MYLK4: variants seen among roughly 807,000 people sequenced by gnomAD.
MYLK4 encodes caMLCK like.
MYLK4 carries 46 observed loss-of-function variants against 48.1 expected under a neutral mutation model. The observed-to-expected ratio is 0.96, with a 90% CI of 0.75 to 1.22. MYLK4 has a LOEUF of 1.22. MYLK4 is among the 50% of genes most tolerant of loss of function. The pLI is 0.00. For missense variants in MYLK4, 451 were observed against 486.1 expected (o/e 0.93, Z 0.68); for synonymous variants, 170 against 180.8 (o/e 0.94, Z 0.48).
chr6:2,681,465 T>C (rs914643317), intron 7 of MYLK4, among the ~76,000 whole-genome samples: 6 of 152,210 alleles, frequency 3.9e-5, no homozygotes, highest in African/African-American at 1.4e-4. Flanking sequence ...TGATGGATCA[T>C]GTATAAAGCT....
At chr6:2,762,829 C>T in the MYLK4 span, among the ~76,000 whole-genome samples, 1 of 152,186 alleles carries the variant, frequency 6.6e-6, no homozygotes, top group Non-Finnish European at 1.5e-5. Context: ...CTTAGGTCAG[C>T]ATCTCTTAAG....
At chr6:2,753,776 T>C (rs1301576151), upstream of MYLK4, among the ~76,000 whole-genome samples, 1 of 151,280 alleles carries the variant, frequency 6.6e-6, no homozygotes, top group Non-Finnish European at 1.5e-5. Flanking sequence ...TGAAAAAAAA[T>C]GCTCAAAATC....
At chr6:2,767,221 C>G in the MYLK4 span, among the ~76,000 whole-genome samples, 4 of 152,038 alleles carry the variant, frequency 2.6e-5, no homozygotes, top group Non-Finnish European at 5.9e-5. Flanking sequence ...TGGAAAAACA[C>G]TTGAGAAAAA....
intron 7 of MYLK4, 94 bp downstream of exon 7, chr6:2,682,927 A>G: frequency 7.2e-7 from 1 of 1,383,748 alleles, no homozygotes; most frequent in South Asian, 1.2e-5. Context: ...AAATGACTGT[A>G]CCAATTTCCC....
chr6:2,755,251 C>T (rs1764399320), upstream of MYLK4, among the ~76,000 whole-genome samples: 1 of 152,140 alleles, frequency 6.6e-6, no homozygotes, highest in Non-Finnish European at 1.5e-5. Context: ...TTAATTATAT[C>T]CCTTAAACTT....
At chr6:2,696,730 T>G (rs1028555012) in intron 2 of MYLK4, among the ~76,000 whole-genome samples, 1 of 152,240 alleles carries the variant, frequency 6.6e-6, no homozygotes, top group Non-Finnish European at 1.5e-5. Flanking sequence ...ATTGGACACA[T>G]ATAAAAGTAT....
At chr6:2,762,965 C>CA in the MYLK4 span, among the ~76,000 whole-genome samples, 1 of 151,986 alleles carries the variant, frequency 6.6e-6, no homozygotes, top group African/African-American at 2.4e-5. Flanking sequence ...CCAGCTAATG[C>CA]AAAAAATAAA....
At chr6:2,744,048 AGCTGTGGATGTT>A (rs756572513) in intron 2 of MYLK4, 23 of 399,000 alleles carry the variant, frequency 5.8e-5, no homozygotes, top group Admixed American at 8.8e-5. Context: ...CTTTGGGAGC[AGCTGTGGATGTT>A]GCTTGGCTTA....
At chr6:2,730,386 A>T (rs762067833) in intron 2 of MYLK4, among the ~76,000 whole-genome samples, 1 of 152,240 alleles carries the variant, frequency 6.6e-6, no homozygotes, top group African/African-American at 2.4e-5. Context: ...AACAGGGGCA[A>T]GTGGTTGAAC....
At chr6:2,691,667 G>C (rs955462508) in intron 3 of MYLK4, among the ~76,000 whole-genome samples, 3 of 152,162 alleles carry the variant, frequency 2.0e-5, no homozygotes, top group Non-Finnish European at 4.4e-5. Context: ...GATATGTTCT[G>C]TATTGCTAAA....
the MYLK4 span, among the ~76,000 whole-genome samples, chr6:2,763,024 G>A: frequency 1.8e-4 from 27 of 152,276 alleles, 1 homozygote; most frequent in East Asian, 1.7e-3. Flanking sequence ...GGTCTCCATC[G>A]CCAGCTCTAG....
At chr6:2,762,029 A>G in the MYLK4 span, among the ~76,000 whole-genome samples, 1 of 152,166 alleles carries the variant, frequency 6.6e-6, no homozygotes, top group South Asian at 2.1e-4. Flanking sequence ...CTCCTGCCTC[A>G]GCCTTGCAAG....
chr6:2,679,655 T>C (rs1761219466), intron 8 of MYLK4, among the ~76,000 whole-genome samples: 1 of 152,176 alleles, frequency 6.6e-6, no homozygotes, highest in Non-Finnish European at 1.5e-5. Context: ...GAAGCTGCTG[T>C]GAATAATGAG....
chr6:2,737,522 C>T (rs1045639837), intron 2 of MYLK4, among the ~76,000 whole-genome samples: 2 of 152,024 alleles, frequency 1.3e-5, no homozygotes, highest in Non-Finnish European at 1.5e-5. Context: ...TGGGGAGGAA[C>T]GAACACATTC....
chr6:2,723,589 A>G (rs1438314996), intron 2 of MYLK4, among the ~76,000 whole-genome samples: 1 of 152,142 alleles, frequency 6.6e-6, no homozygotes, highest in Non-Finnish European at 1.5e-5. Flanking sequence ...CTTAGAATCA[A>G]TTTTCCATAT....
intron 2 of MYLK4, among the ~76,000 whole-genome samples, chr6:2,718,203 A>G (rs1204409323): frequency 6.7e-6 from 1 of 149,900 alleles, no homozygotes; most frequent in African/African-American, 2.5e-5. Flanking sequence ...AAAAAAAAAG[A>G]AAAAGAGAAA....
the MYLK4 span, among the ~76,000 whole-genome samples, chr6:2,764,752 C>T: frequency 6.6e-6 from 1 of 152,114 alleles, no homozygotes; most frequent in Non-Finnish European, 1.5e-5. Context: ...CGAGAAGCAT[C>T]TCTTGGCTCG....
intron 2 of MYLK4, among the ~76,000 whole-genome samples, chr6:2,727,760 A>G (rs1157365237): frequency 6.6e-6 from 1 of 152,116 alleles, no homozygotes; most frequent in Non-Finnish European, 1.5e-5. Flanking sequence ...CATCCTGGCC[A>G]ATGTGGTAAA....
rs770517389 is a variant in MYLK4 at position 2,680,266 on chromosome 6, C to T, written c.713G>A (p.Arg238Gln). ...LKPENILCVNRDAKQIKIIDF... is the reference protein window; with the variant it reads ...LKPENILCVNQDAKQIKIIDF... ...AATAATTTTTATTTGCTTAGCATCCCGATTCACACACAGGATATTCTCAGG... is the reference window on the plus strand; with the variant it reads ...AATAATTTTTATTTGCTTAGCATCCTGATTCACACACAGGATATTCTCAGG... Residue 238 changes from arginine (R) to glutamine (Q), a missense_variant, in exon 8 of 13, where the codon CGG becomes CAG. Physicochemically the swap from Arg to Gln is conservative, Grantham distance 43 (BLOSUM62 1). Transcript: ENST00000274643. The T allele has an allele frequency of 8.7e-6, 14 of 1,613,974 alleles. No homozygotes were observed. The highest frequency in any genetic ancestry group is 1.6e-4 in the Middle Eastern group (1 of 6,084).
Sources: gnomAD v4.1 joint callset for allele counts (sites outside exome capture counted in the v4.1 genomes callset) on GRCh38, gnomAD v4.1.1 for gene constraint, MANE v1.5 for transcripts, NCBI Gene and HGNC (gene_info 2026-07-23, HGNC 2026-07-21) for gene names.